The following DPP10 variants were observed in gnomAD, a reference collection of about 807,000 sequenced individuals.
DPP10 encodes the protein dipeptidyl peptidase like 10, also known as inactive dipeptidyl peptidase 10.
Under a neutral mutation model 120.9 loss-of-function variants are expected in DPP10, and 33 were observed. The observed-to-expected ratio is 0.27, with a 90% CI of 0.21 to 0.37. The LOEUF (loss-of-function observed/expected upper bound fraction) is 0.37, where lower values mean the gene tolerates loss of function less well. Ranked by LOEUF, DPP10 falls within the 10% of genes least tolerant of loss-of-function variation. DPP10 has a pLI of 1.00. For missense variants in DPP10, 816 were observed against 942.8 expected (o/e 0.87, Z 1.76); for synonymous variants, 337 against 326.1 (o/e 1.03, Z -0.36).
chr2:114,637,330 G>T (rs1003304265), intron 1 of DPP10, among the ~76,000 whole-genome samples: 1 of 151,926 alleles, frequency 6.6e-6, no homozygotes, highest in African/African-American at 2.4e-5. Context: ...AGGATCATCT[G>T]ATCTGTTACC....
intron 5 of DPP10, among the ~76,000 whole-genome samples, chr2:115,670,880 A>G (rs1019643450): frequency 1.3e-5 from 2 of 152,132 alleles, no homozygotes; most frequent in African/African-American, 2.4e-5. Context: ...ATTTTAATGT[A>G]ATATGATATG....
At chr2:114,674,796 A>C (rs746329529) in intron 1 of DPP10, among the ~76,000 whole-genome samples, 5 of 152,214 alleles carry the variant, frequency 3.3e-5, no homozygotes, top group Non-Finnish European at 7.3e-5. Flanking sequence ...ATCAGACCAC[A>C]TGCTGTGTAA....
At chr2:115,299,110 C>A (rs1358461746) in intron 1 of DPP10, among the ~76,000 whole-genome samples, 3 of 151,832 alleles carry the variant, frequency 2.0e-5, no homozygotes, top group East Asian at 1.9e-4. Context: ...GTAGAAAGAC[C>A]CTTAGCTTTG....
intron 1 of DPP10, among the ~76,000 whole-genome samples, chr2:115,272,233 A>T (rs888624826): frequency 7.9e-5 from 12 of 152,200 alleles, no homozygotes; most frequent in African/African-American, 2.4e-4. Context: ...GGACTATTAG[A>T]TGGAGAAATG....
intron 1 of DPP10, among the ~76,000 whole-genome samples, chr2:115,097,085 G>T (rs2048436173): frequency 6.6e-6 from 1 of 152,112 alleles, no homozygotes; most frequent in African/African-American, 2.4e-5. Flanking sequence ...TAGCCAGTCT[G>T]GTAGAGATTA....
At chr2:115,078,826 AG>A (rs1331177756) in intron 1 of DPP10, among the ~76,000 whole-genome samples, 1 of 152,210 alleles carries the variant, frequency 6.6e-6, no homozygotes, top group East Asian at 1.9e-4. Flanking sequence ...AAATTACTCA[AG>A]TTATCAGTTA....
At chr2:115,483,901 CT>C (rs2075604458) in intron 3 of DPP10, among the ~76,000 whole-genome samples, 1 of 152,016 alleles carries the variant, frequency 6.6e-6, no homozygotes, top group South Asian at 2.1e-4. Context: ...GTTTTTCCCC[CT>C]CTCAGTAAAA....
At chr2:114,891,808 C>A (rs1692564442) in intron 1 of DPP10, among the ~76,000 whole-genome samples, 1 of 152,146 alleles carries the variant, frequency 6.6e-6, no homozygotes, top group African/African-American at 2.4e-5. Flanking sequence ...GATTGAAGGA[C>A]ACTAAGTCAA....
At chr2:115,577,224 G>A (rs1487189882) in intron 5 of DPP10, among the ~76,000 whole-genome samples, 2 of 152,168 alleles carry the variant, frequency 1.3e-5, no homozygotes, top group African/African-American at 2.4e-5. Flanking sequence ...GGAAGATGCT[G>A]CGTCTAATAT....
intron 12 of DPP10, among the ~76,000 whole-genome samples, chr2:115,764,325 C>A (rs1489656385): frequency 6.6e-6 from 1 of 151,954 alleles, no homozygotes; most frequent in Non-Finnish European, 1.5e-5. Context: ...TGGATAGACA[C>A]AGATAAATGT....
chr2:115,705,182 TGTG>T (rs2092052253), intron 7 of DPP10, among the ~76,000 whole-genome samples: 2 of 151,980 alleles, frequency 1.3e-5, no homozygotes, highest in South Asian at 4.1e-4. Context: ...TAATAACAAT[TGTG>T]AACTATTTGA....
At chr2:115,500,274 C>G (rs1443060561) in intron 4 of DPP10, among the ~76,000 whole-genome samples, 1 of 151,848 alleles carries the variant, frequency 6.6e-6, no homozygotes, top group Non-Finnish European at 1.5e-5. Flanking sequence ...AGCTACCCAA[C>G]ACCAACGAAA....
rs569580823 is a variant in DPP10, at chr2:114,839,230, A to G, written c.60+396392A>G. 2.7e-4 allele frequency among the ~76,000 whole-genome samples: 41 copies of G among 152,310 alleles called. No homozygotes were observed. The East Asian group carries it at 5.4e-3, about 20-fold the overall frequency. On this transcript the variant is annotated intron_variant, in intron 1 of 25. Coordinates refer to ENST00000410059, the MANE Select transcript of DPP10 (RefSeq NM_020868.6). Reference sequence around the variant, plus strand: ...AAATGGCAATTAAATACATCCTATTAAAGTATGGTGTGAAAGAGATAGATT... The same window carrying G: ...AAATGGCAATTAAATACATCCTATTGAAGTATGGTGTGAAAGAGATAGATT...
intron 3 of DPP10, among the ~76,000 whole-genome samples, chr2:115,427,525 C>A (rs2070594254): frequency 6.6e-6 from 1 of 152,148 alleles, no homozygotes; most frequent in Non-Finnish European, 1.5e-5. Context: ...TACTGTGAGG[C>A]CTCTGAGCAG....
At chr2:115,288,351 A>G (rs1315009386) in intron 1 of DPP10, among the ~76,000 whole-genome samples, 1 of 151,974 alleles carries the variant, frequency 6.6e-6, no homozygotes, top group Non-Finnish European at 1.5e-5. Context: ...ATCTGTTCAT[A>G]TGATTATCTC....
rs1015478824 is a variant in DPP10, at chr2:115,165,270, T to C, written c.61-143969T>C. Among the ~76,000 whole-genome samples, 8 of 152,202 alleles carry C rather than the reference T, an allele frequency of 5.3e-5. 1 individual carries two copies. The highest frequency in any genetic ancestry group is 1.9e-4 in the African/African-American group (8 of 41,460). On this transcript the variant is annotated intron_variant, in intron 1 of 25. Coordinates refer to ENST00000410059, the MANE Select transcript of DPP10 (RefSeq NM_020868.6). ...GTGAGTCCTGTTTTTATTCCTATTT[T>C]AGAGATGAGAATACAGAGGATTAAG...
intron 1 of DPP10, among the ~76,000 whole-genome samples, chr2:114,865,560 G>T (rs1235027375): frequency 1.3e-5 from 2 of 152,168 alleles, no homozygotes; most frequent in Non-Finnish European, 2.9e-5. Context: ...GGAGCAACAG[G>T]TTCATTAATC....
At chr2:114,663,068 A>G (rs987216701) in intron 1 of DPP10, among the ~76,000 whole-genome samples, 2 of 152,102 alleles carry the variant, frequency 1.3e-5, no homozygotes, top group Non-Finnish European at 2.9e-5. Context: ...ATGTGTATAC[A>G]TGTACATATC....
rs377177998 is a variant in DPP10 at position 114,836,462 on chromosome 2, G to C, written c.60+393624G>C. Among the ~76,000 whole-genome samples, 7 of 152,248 alleles carry C rather than the reference G, an allele frequency of 4.6e-5. No homozygotes were observed. In the East Asian group the frequency reaches 1.2e-3, roughly 25 times the overall value. On this transcript the variant is annotated intron_variant, in intron 1 of 25. Transcript: ENST00000410059. ...GCCCCACAAGCCGCAAAACCAGCAA[G>C]TTTTTATTAGTGATTTTCAAAGGGG...
Sources: allele counts gnomAD v4.1 joint callset (sites outside exome capture counted in the v4.1 genomes callset), GRCh38; gene constraint gnomAD v4.1.1; transcripts MANE v1.5; gene names NCBI Gene and HGNC (gene_info 2026-07-23, HGNC 2026-07-21).